The following ARNT2 variants were observed in gnomAD, a reference collection of about 807,000 sequenced individuals.
ARNT2 encodes aryl hydrocarbon receptor nuclear translocator 2, also known as ARNT protein 2.
ARNT2 carries 36 observed loss-of-function variants against 91.7 expected under a neutral mutation model. That is an observed-to-expected ratio of 0.39 (90% CI 0.30 to 0.52). The LOEUF (loss-of-function observed/expected upper bound fraction) is 0.52, where lower values mean the gene tolerates loss of function less well. Among genes scored for constraint, ARNT2 ranks in the 20% least tolerant of loss-of-function variants. The probability of loss-of-function intolerance (pLI) is 0.72; values close to 1 mark genes in which losing one functional copy is unlikely to be tolerated. For synonymous variants in ARNT2, 365 were observed against 347.1 expected, an observed-to-expected ratio of 1.05 and a Z score of -0.57; for missense variants, 775 against 939.3, an observed-to-expected ratio of 0.83 and a Z score of 2.29.
chr15:80,575,432 G>T (rs8030021), intron 14 of ARNT2, among the ~76,000 whole-genome samples: 3,393 of 152,258 alleles, frequency 0.022, 140 homozygotes, highest in African/African-American at 0.077. Flanking sequence ...ACTGCAGAGA[G>T]CCCTGGGCAC....
chr15:80,587,230 G>A (rs180681139), intron 17 of ARNT2, among the ~76,000 whole-genome samples: 4 of 152,132 alleles, frequency 2.6e-5, no homozygotes, highest in African/African-American at 9.6e-5. Context: ...ATCCAGCAGG[G>A]TTTCTCAGTG....
At chr15:80,588,253 C>T (rs2141486681) in intron 17 of ARNT2, among the ~76,000 whole-genome samples, 1 of 152,286 alleles carries the variant, frequency 6.6e-6, no homozygotes, top group East Asian at 1.9e-4. Flanking sequence ...CAAGCCTAGG[C>T]ACCTCCTTCT....
intron 1 of ARNT2, among the ~76,000 whole-genome samples, chr15:80,439,460 C>G (rs1896152884): frequency 6.6e-6 from 1 of 152,188 alleles, no homozygotes; most frequent in African/African-American, 2.4e-5. Flanking sequence ...GTAGCTGAAG[C>G]TGAACTTTGA....
intron 1 of ARNT2, among the ~76,000 whole-genome samples, chr15:80,424,959 C>A (rs115291849): frequency 0.021 from 3,235 of 152,164 alleles, 114 homozygotes; most frequent in African/African-American, 0.073. Context: ...AAAATAAATC[C>A]TTTTTTTGTA....
intron 15 of ARNT2, among the ~76,000 whole-genome samples, chr15:80,579,116 A>T (rs1337030315): frequency 6.6e-6 from 1 of 152,210 alleles, no homozygotes; most frequent in Non-Finnish European, 1.5e-5. Flanking sequence ...CAAGAAGCCC[A>T]TCCCTTTCTG....
In ARNT2 at chr15:80,461,035, T is replaced by C. The variant is rs114158413; in HGVS notation, c.194+3059T>C. The stretch of plus-strand genomic sequence containing the variant: ...CGTGGCTTCCATTGTCTTGATTAGG[T>C]AGGAAATGGGGCTGTGTGCCGCAGG... On this transcript the variant is annotated intron_variant, in intron 3 of 18. Coordinates refer to ENST00000303329, the MANE Select transcript of ARNT2 (RefSeq NM_014862.4). Among the ~76,000 whole-genome samples, 513 of 152,132 alleles carry C rather than the reference T, an allele frequency of 3.4e-3. 3 individuals carry two copies. The highest frequency in any genetic ancestry group is 0.011 in the African/African-American group (477 of 41,502).
At chr15:80,414,243 A>C (rs1244172771) in intron 1 of ARNT2, among the ~76,000 whole-genome samples, 1 of 152,216 alleles carries the variant, frequency 6.6e-6, no homozygotes, top group Non-Finnish European at 1.5e-5. Flanking sequence ...TCCAGGGAGT[A>C]GGGGTGCTAC....
At chr15:80,505,712 A>G (rs1362402158) in intron 5 of ARNT2, among the ~76,000 whole-genome samples, 11 of 152,112 alleles carry the variant, frequency 7.2e-5, no homozygotes, top group Admixed American at 7.2e-4. Flanking sequence ...GCTCTTACCT[A>G]CTAAATTTCT....
chr15:80,586,899 C>G (rs916750639), intron 17 of ARNT2, among the ~76,000 whole-genome samples: 6 of 151,402 alleles, frequency 4.0e-5, no homozygotes, highest in African/African-American at 1.5e-4. Context: ...AAACGAAAGG[C>G]ATAATTCAAA....
intron 2 of ARNT2, among the ~76,000 whole-genome samples, chr15:80,452,388 A>G (rs772041064): frequency 6.6e-6 from 1 of 152,200 alleles, no homozygotes; most frequent in African/African-American, 2.4e-5. Context: ...GCAAAGCTCC[A>G]CAGATCAACT....
At chr15:80,422,751 T>C (rs954504397) in intron 1 of ARNT2, among the ~76,000 whole-genome samples, 1 of 125,166 alleles carries the variant, frequency 8.0e-6, no homozygotes, top group Non-Finnish European at 1.9e-5. Flanking sequence ...AGTATAATAA[T>C]ATTTCTAGAG....
chr15:80,572,204 C>T lies in ARNT2; in HGVS notation c.1317-1944C>T, dbSNP rs74027855. 5.4e-3 allele frequency among the ~76,000 whole-genome samples: 826 copies of T among 152,140 alleles called. 8 individuals carry two copies. Among genetic ancestry groups the T allele is most frequent in the African/African-American group, 0.018 (748 of 41,504 alleles). ...TGAATGCAGGCACCTAGCAGGGGGC[C>T]AGGGCAAATGCACAGGGGCGGGTGC... On this transcript the variant is annotated intron_variant, in intron 12 of 18. Coordinates refer to ENST00000303329, the MANE Select transcript of ARNT2 (RefSeq NM_014862.4).
Position 80,432,253 on chromosome 15 carries a change from C to G in ARNT2, c.32-18627C>G, listed in dbSNP as rs148835454. Among the ~76,000 whole-genome samples, 23 of 152,336 alleles carry G rather than the reference C, an allele frequency of 1.5e-4. No individual in the cohort carries two copies. The East Asian group carries it at 4.2e-3, about 28-fold the overall frequency. On this transcript the variant is annotated intron_variant, in intron 1 of 18. Transcript: ENST00000303329. ...GAACGGCAGTGTCTTGCCATCAGGTCAGCTGAATTAGAGGTAGAAGATTTC... is the reference window on the plus strand; with the variant it reads ...GAACGGCAGTGTCTTGCCATCAGGTGAGCTGAATTAGAGGTAGAAGATTTC...
intron 8 of ARNT2, among the ~76,000 whole-genome samples, chr15:80,546,351 C>T (rs1897991378): frequency 6.6e-6 from 1 of 152,220 alleles, no homozygotes; most frequent in Non-Finnish European, 1.5e-5. Context: ...ATGCTCATGA[C>T]TTCTGCATCC....
intron 8 of ARNT2, among the ~76,000 whole-genome samples, chr15:80,535,037 A>G (rs1897797747): frequency 6.6e-6 from 1 of 152,154 alleles, no homozygotes. Context: ...GTACCATCTG[A>G]AGTCAGTACA....
chr15:80,457,829 C>A, intron 2 of ARNT2, 100 bp from the exon 3 acceptor site: 3 of 1,255,862 alleles, frequency 2.4e-6, no homozygotes, highest in Non-Finnish European at 2.3e-6. Context: ...CAATGGATAG[C>A]AGTCCTAGTG....
At chr15:80,417,441 G>A (rs1318751249) in intron 1 of ARNT2, among the ~76,000 whole-genome samples, 3 of 152,124 alleles carry the variant, frequency 2.0e-5, no homozygotes, top group Non-Finnish European at 4.4e-5. Context: ...ACCAAATTCG[G>A]GAGGTTATAA....
chr15:80,455,502 C>T (rs1005442724), intron 2 of ARNT2, among the ~76,000 whole-genome samples: 2 of 151,998 alleles, frequency 1.3e-5, no homozygotes, highest in Non-Finnish European at 2.9e-5. Flanking sequence ...ACCTGGCCAG[C>T]GTGGTATTAT....
intron 4 of ARNT2, among the ~76,000 whole-genome samples, chr15:80,473,748 C>G (rs1374802195): frequency 2.0e-5 from 3 of 152,160 alleles, no homozygotes; most frequent in Non-Finnish European, 2.9e-5. Flanking sequence ...ACAAAGCTCC[C>G]TGGGTTCTGC....
Sources: gnomAD v4.1 joint callset for allele counts (sites outside exome capture counted in the v4.1 genomes callset) on GRCh38, gnomAD v4.1.1 for gene constraint, MANE v1.5 for transcripts, NCBI Gene and HGNC (gene_info 2026-07-23, HGNC 2026-07-21) for gene names.